The following PIBF1 variants were observed in gnomAD, a reference collection of about 807,000 sequenced individuals.
PIBF1 encodes the protein progesterone-induced-blocking factor 1.
PIBF1 carries 90 observed loss-of-function variants against 112.5 expected under a neutral mutation model. That is an observed-to-expected ratio of 0.80 (90% CI 0.67 to 0.95). The LOEUF (loss-of-function observed/expected upper bound fraction) is 0.95. Among genes scored for constraint, PIBF1 ranks in the 40% least tolerant of loss-of-function variants. The pLI is 0.00. For synonymous variants in PIBF1, 301 were observed against 288.6 expected (o/e 1.04, Z -0.44); for missense variants, 915 against 852.3 (o/e 1.07, Z -0.92).
chr13:72,956,966 A>G (rs889790752), intron 14 of PIBF1, among the ~76,000 whole-genome samples: 2 of 152,248 alleles, frequency 1.3e-5, no homozygotes, highest in African/African-American at 2.4e-5. Context: ...GCAAAGTGAT[A>G]CCACCTCACT....
rs1297596367 is a variant in PIBF1, at chr13:72,931,196, G to C, written c.1762G>C (p.Glu588Gln). The C allele has an allele frequency of 6.2e-7, 1 of 1,612,512 alleles. No homozygotes were observed. Among genetic ancestry groups the C allele is most frequent in the Admixed American group, 1.7e-5 (1 of 59,856 alleles). The change falls in exon 14 of 18, where the codon GAA becomes CAA. Residue 588 changes from glutamate (E) to glutamine (Q), a missense_variant. Glu to Gln is a conservative substitution (Grantham distance 29, BLOSUM62 2). Transcript: ENST00000326291. Reference protein sequence around the residue: ...VHLARRVLQLEKQNSLILKDL... With the variant: ...VHLARRVLQLQKQNSLILKDL... ...CTTGGCAAGAAGAGTGCTTCAATTA[G>C]AAAAACAAAACTCGCTGATTTTAAA...
intron 9 of PIBF1, among the ~76,000 whole-genome samples, chr13:72,853,250 C>CA (rs1448210092): frequency 7.9e-5 from 12 of 152,196 alleles, no homozygotes; most frequent in Admixed American, 7.9e-4. Context: ...TTCTTTCTAT[C>CA]AATTTCAGTT....
intron 10 of PIBF1, among the ~76,000 whole-genome samples, chr13:72,872,488 A>G (rs1025168147): frequency 5.9e-5 from 9 of 152,216 alleles, no homozygotes; most frequent in Admixed American, 5.9e-4. Context: ...ACAAGCCTAT[A>G]CATAAAGATT....
intron 15 of PIBF1, among the ~76,000 whole-genome samples, chr13:72,966,140 G>A (rs1479289849): frequency 6.6e-6 from 1 of 152,102 alleles, no homozygotes; most frequent in African/African-American, 2.4e-5. Context: ...AATTAAGTGG[G>A]AATAGAAATG....
intron 16 of PIBF1, among the ~76,000 whole-genome samples, chr13:72,982,329 A>G (rs2043176428): frequency 6.6e-6 from 1 of 152,150 alleles, no homozygotes; most frequent in African/African-American, 2.4e-5. Context: ...CCAGCTTCTC[A>G]GGAAGCTGAG....
intron 16 of PIBF1, among the ~76,000 whole-genome samples, chr13:72,976,887 G>A (rs1459877847): frequency 6.6e-6 from 1 of 152,034 alleles, no homozygotes; most frequent in African/African-American, 2.4e-5. Context: ...TGAAAATCAG[G>A]GCTGGGACTA....
intron 6 of PIBF1, among the ~76,000 whole-genome samples, chr13:72,823,880 A>T (rs1182719077): frequency 6.6e-6 from 1 of 152,096 alleles, no homozygotes; most frequent in Non-Finnish European, 1.5e-5. Flanking sequence ...TTAGTGGGGA[A>T]TGCTATTTAG....
intron 14 of PIBF1, among the ~76,000 whole-genome samples, chr13:72,947,003 T>G (rs1023540046): frequency 1.3e-5 from 2 of 152,216 alleles, no homozygotes; most frequent in African/African-American, 2.4e-5. Context: ...TGTCCTAGTG[T>G]GGACTTTTTG....
At chr13:72,901,260 AT>A (rs2040474751) in intron 11 of PIBF1, among the ~76,000 whole-genome samples, 1 of 152,192 alleles carries the variant, frequency 6.6e-6, no homozygotes, top group Non-Finnish European at 1.5e-5. Flanking sequence ...TGAATAGACA[AT>A]TCTCAAAAGA....
At chr13:72,876,494 A>T (rs1332076526) in intron 10 of PIBF1, among the ~76,000 whole-genome samples, 1 of 152,032 alleles carries the variant, frequency 6.6e-6, no homozygotes, top group Non-Finnish European at 1.5e-5. Context: ...TTTGATTGGG[A>T]TTACGTTGAA....
At chr13:72,867,211 TC>T (rs2038965441) in intron 10 of PIBF1, among the ~76,000 whole-genome samples, 1 of 152,124 alleles carries the variant, frequency 6.6e-6, no homozygotes, top group Non-Finnish European at 1.5e-5. Flanking sequence ...AATGGGAGCT[TC>T]CCTGCACAAG....
intron 5 of PIBF1, among the ~76,000 whole-genome samples, chr13:72,809,589 G>GTTTTTTTTTT (rs34696804): frequency 9.9e-6 from 1 of 100,912 alleles, no homozygotes; most frequent in Non-Finnish European, 2.2e-5. Flanking sequence ...TTTTTTTTTG[G>GTTTTTTTTTT]TTTTTTTTTT....
At chr13:72,851,762 A>G (rs555164931) in intron 9 of PIBF1, among the ~76,000 whole-genome samples, 213 of 152,314 alleles carry the variant, frequency 1.4e-3, no homozygotes, top group African/African-American at 4.9e-3. Flanking sequence ...ACCAATCAGC[A>G]TATACTTCCT....
At chr13:72,881,215 A>C (rs191497600) in intron 10 of PIBF1, 1 of 152,196 alleles carries the variant, frequency 6.6e-6, no homozygotes, top group Non-Finnish European at 1.5e-5. Flanking sequence ...AAATGAGCAC[A>C]ATGATAGGAT....
At chr13:72,796,229 G>A (rs1218409455) in intron 4 of PIBF1, among the ~76,000 whole-genome samples, 1 of 152,046 alleles carries the variant, frequency 6.6e-6, no homozygotes, top group Non-Finnish European at 1.5e-5. Flanking sequence ...ACAGTCATGA[G>A]AGAATGAGAA....
chr13:72,927,145 T>C (rs1261807968), intron 13 of PIBF1, among the ~76,000 whole-genome samples: 1 of 151,872 alleles, frequency 6.6e-6, no homozygotes, highest in Non-Finnish European at 1.5e-5. Flanking sequence ...CACTGCTTAC[T>C]GCAACCTCTG....
At chr13:72,998,246 G>A (rs2043742952) in intron 16 of PIBF1, among the ~76,000 whole-genome samples, 1 of 152,178 alleles carries the variant, frequency 6.6e-6, no homozygotes, top group Non-Finnish European at 1.5e-5. Context: ...TACAGTGGAA[G>A]GTAGCTATGC....
intron 9 of PIBF1, 107 bp from the exon 10 acceptor site, chr13:72,853,950 C>T: frequency 1.2e-6 from 1 of 835,472 alleles, no homozygotes; most frequent in Non-Finnish European, 1.9e-6. Flanking sequence ...ACTTTGGGTC[C>T]CCAACTTCTC....
chr13:72,966,807 G>A (rs1222705809), intron 15 of PIBF1, among the ~76,000 whole-genome samples: 1 of 152,114 alleles, frequency 6.6e-6, no homozygotes, highest in Non-Finnish European at 1.5e-5. Context: ...CACTCTGGAG[G>A]CTGAGACAGG....
Sources: allele counts gnomAD v4.1 joint callset (sites outside exome capture counted in the v4.1 genomes callset), GRCh38; gene constraint gnomAD v4.1.1; transcripts MANE v1.5; gene names NCBI Gene and HGNC (gene_info 2026-07-23, HGNC 2026-07-21).